B3GALNT2: variants seen among roughly 807,000 people sequenced by gnomAD.
B3GALNT2 encodes UDP-GalNAc:beta-1,3-N-acetylgalactosaminyltransferase 2.
In B3GALNT2, 53 loss-of-function variants were observed where a neutral mutation model predicts 61.1. The ratio of observed to expected loss-of-function variants is 0.87; its 90% CI spans 0.70 to 1.09. The LOEUF is 1.09. Among genes scored for constraint, B3GALNT2 ranks in the 50% least tolerant of loss-of-function variants. The pLI, the probability that B3GALNT2 is intolerant of heterozygous loss-of-function variation, is 0.00. For missense variants in B3GALNT2, 544 were observed against 623.0 expected (o/e 0.87, Z 1.35); for synonymous variants, 223 against 237.4 (o/e 0.94, Z 0.56).
chr1:235,471,038 T>A, intron 5 of B3GALNT2, 78 bp from the exon 6 acceptor site: 2 of 1,557,854 alleles, frequency 1.3e-6, no homozygotes, highest in Non-Finnish European at 1.7e-6. Flanking sequence ...CAGGCAAGAT[T>A]TTTAGAGAAA....
intron 7 of B3GALNT2, among the ~76,000 whole-genome samples, chr1:235,459,101 G>A (rs1198731097): frequency 6.6e-6 from 1 of 151,378 alleles, no homozygotes; most frequent in Admixed American, 6.6e-5. Context: ...AGCATTGTTT[G>A]TAATTGTGGA....
rs909422004 is a variant in B3GALNT2, at chr1:235,450,213, G to A, written c.1496C>T (p.Ala499Val). 4.3e-6 allele frequency: 7 copies of A among 1,614,042 alleles called. No homozygotes were observed. Among genetic ancestry groups the A allele is most frequent in the Non-Finnish European group, 5.9e-6 (7 of 1,179,992 alleles). ...ERCGDPCRCQAR is the reference protein window; with the variant it reads ...ERCGDPCRCQVR ...TGCTAATTCAAGTCCCTGTTATCTT[G>A]CTTGACATCGACAAGGATCACCGCA... Residue 499 changes from alanine to valine, a missense_variant, in exon 12 of 12, where the codon GCA becomes GTA. Transcript: ENST00000366600.
chr1:235,450,434 T>C (rs996481636), intron 11 of B3GALNT2, 94 bp from the exon 12 acceptor site: 9 of 1,411,118 alleles, frequency 6.4e-6, no homozygotes, highest in Admixed American at 1.8e-5. Context: ...TGTATTCTAA[T>C]GATGCTGAAA....
chr1:235,458,819 T>A (rs374761339), intron 7 of B3GALNT2, 33 bp from the exon 8 acceptor site: 1 of 1,535,536 alleles, frequency 6.5e-7, no homozygotes, highest in Non-Finnish European at 8.8e-7. Flanking sequence ...TGGAGAAAAA[T>A]GCTGTTGTAA....
intron 4 of B3GALNT2, 94 bp downstream of exon 4, chr1:235,484,225 TATA>T: frequency 1.4e-6 from 2 of 1,458,874 alleles, no homozygotes; most frequent in Non-Finnish European, 1.8e-6. Flanking sequence ...CAGAGAGAAT[TATA>T]TAGTCTTCCA....
At chr1:235,496,412 TA>T (rs1434116530) in intron 1 of B3GALNT2, 4 of 706,566 alleles carry the variant, frequency 5.7e-6, no homozygotes, top group Admixed American at 5.9e-5. Context: ...AAAGACAATT[TA>T]TTTTTAAATA....
chr1:235,484,543 C>T (rs781760453), intron 3 of B3GALNT2, 28 bp from the exon 4 acceptor site: 1 of 1,600,480 alleles, frequency 6.2e-7, no homozygotes, highest in Non-Finnish European at 8.5e-7. Flanking sequence ...GTTTATATAA[C>T]TGAACAAATG....
Position 235,448,826 on chromosome 1 carries a change from T to C in B3GALNT2, c.*1380A>G. The C allele has an allele frequency of 1.7e-6, 2 of 1,178,956 alleles. No homozygotes were observed. The highest frequency in any genetic ancestry group is 2.5e-6 in the Non-Finnish European group (2 of 792,024). 73.0% of individuals were successfully genotyped at this position (1,178,956 alleles called of 1,614,324 possible). ...GTGTCTGGGGTTCACCGGAAATAAA[T>C]GATTCACTGGAACAATTCTACTGTC... On this transcript the variant is annotated 3_prime_UTR_variant, in exon 12 of 12. Coordinates refer to ENST00000366600, the MANE Select transcript of B3GALNT2 (RefSeq NM_152490.5).
intron 6 of B3GALNT2, among the ~76,000 whole-genome samples, chr1:235,466,197 T>TA (rs1163579650): frequency 4.7e-5 from 7 of 150,162 alleles, no homozygotes; most frequent in South Asian, 4.2e-4. Context: ...GTATATTGAT[T>TA]AAAAAAAAAT....
chr1:235,486,552 C>T (rs1285962597), intron 3 of B3GALNT2, among the ~76,000 whole-genome samples: 2 of 152,128 alleles, frequency 1.3e-5, no homozygotes, highest in African/African-American at 2.4e-5. Flanking sequence ...TTAATGCTTA[C>T]CATGACCTTC....
Position 235,448,220 on chromosome 1 carries a change from CAAAAAAA to C in B3GALNT2, c.*1979_*1985del, listed in dbSNP as rs59405398. On this transcript the variant is annotated 3_prime_UTR_variant, in exon 12 of 12. Transcript: ENST00000366600. ...CTTAAGTAAGTAAGTAAGTCAGTCT[CAAAAAAA>C]AAAAAAAAAAAAAGACAGATACAGC... 4.0e-5 allele frequency: 21 copies of C among 530,990 alleles called. No homozygotes were observed. The highest frequency in any genetic ancestry group is 3.2e-4 in the Middle Eastern group (1 of 3,106). The allele number at this position is 530,990 out of a possible 1,614,324, so 32.9% of individuals were successfully genotyped here.
intron 3 of B3GALNT2, 75 bp from the exon 4 acceptor site, chr1:235,484,590 G>A (rs1462947320): frequency 1.4e-6 from 2 of 1,442,734 alleles, no homozygotes; most frequent in Non-Finnish European, 1.8e-6. Flanking sequence ...TAGTGAAGTG[G>A]GCTTAATGCC....
At chr1:235,439,804 T>TC in the B3GALNT2 span, among the ~76,000 whole-genome samples, 2 of 151,096 alleles carry the variant, frequency 1.3e-5, no homozygotes, top group Non-Finnish European at 3.0e-5. Context: ...CATTTCTTTT[T>TC]CTTTTTTTTT....
the B3GALNT2 span, among the ~76,000 whole-genome samples, chr1:235,442,121 G>A: frequency 7.9e-5 from 12 of 151,026 alleles, no homozygotes; most frequent in African/African-American, 2.7e-4. Context: ...CGATTCTCCT[G>A]CCTCAGCCTC....
At chr1:235,444,406 T>C (rs1293670885), downstream of B3GALNT2, among the ~76,000 whole-genome samples, 3 of 152,168 alleles carry the variant, frequency 2.0e-5, no homozygotes, top group African/African-American at 4.8e-5. Context: ...TTATTTTTGA[T>C]ATATTTTTTT....
At chr1:235,500,387 A>C (rs1685531895) in intron 1 of B3GALNT2, among the ~76,000 whole-genome samples, 1 of 152,190 alleles carries the variant, frequency 6.6e-6, no homozygotes, top group South Asian at 2.1e-4. Context: ...AGGCTGAGGC[A>C]GGAGAATGGC....
Position 235,487,079 on chromosome 1 carries a change from T to C in B3GALNT2, c.361+2089A>G, listed in dbSNP as rs545793616. 3.3e-5 allele frequency among the ~76,000 whole-genome samples: 5 copies of C among 151,658 alleles called. No homozygotes were observed. In the East Asian group the frequency reaches 9.7e-4, roughly 29 times the overall value. ...GGGAGACTAAGGCAGGAGAATCGCTTGAACCTGGGAGGTGGAGGTTGCAGT... is the reference window on the plus strand; with the variant it reads ...GGGAGACTAAGGCAGGAGAATCGCTCGAACCTGGGAGGTGGAGGTTGCAGT... On this transcript the variant is annotated intron_variant, in intron 3 of 11. Transcript: ENST00000366600.
intron 1 of B3GALNT2, 31 bp downstream of exon 1, chr1:235,504,110 G>A (rs1383798109): frequency 8.3e-7 from 1 of 1,208,692 alleles, no homozygotes; most frequent in Non-Finnish European, 1.0e-6. Flanking sequence ...CCCCCCGGCG[G>A]CCGCCAACCC....
Position 235,449,121 on chromosome 1 carries a change from A to T in B3GALNT2, c.*1085T>A. On this transcript the variant is annotated 3_prime_UTR_variant, in exon 12 of 12. Transcript: ENST00000366600. ...AAGACTAGTTTTAATGGAATTCTCT[A>T]TTGAAACTACTATTTTAAAGGGTTA... The T allele has an allele frequency of 1.4e-5, 4 of 283,928 alleles. No individual in the cohort carries two copies. In the South Asian group the frequency reaches 1.4e-4, roughly 10 times the overall value. 17.6% of individuals were successfully genotyped at this position (283,928 alleles called of 1,614,324 possible).
Sources: gnomAD v4.1 joint callset for allele counts (sites outside exome capture counted in the v4.1 genomes callset) on GRCh38, gnomAD v4.1.1 for gene constraint, MANE v1.5 for transcripts, NCBI Gene and HGNC (gene_info 2026-07-23, HGNC 2026-07-21) for gene names.